The following WDFY2 variants were observed in gnomAD, a reference collection of about 807,000 sequenced individuals.
WDFY2 encodes the protein WD repeat and FYVE domain-containing protein 2.
In WDFY2, 36 loss-of-function variants were observed where a neutral mutation model predicts 56.4. The observed-to-expected ratio is 0.64, with a 90% CI of 0.49 to 0.84. The LOEUF is 0.84. WDFY2 is among the 40% of genes least tolerant of loss of function. The pLI is 0.00. For missense variants in WDFY2, 444 were observed against 512.2 expected (o/e 0.87, Z 1.29); for synonymous variants, 176 against 183.7 (o/e 0.96, Z 0.34).
chr13:51,622,890 C>T (rs564877061), intron 1 of WDFY2, among the ~76,000 whole-genome samples: 17 of 139,546 alleles, frequency 1.2e-4, no homozygotes, highest in African/African-American at 3.8e-4. Flanking sequence ...TAGAGTCTAG[C>T]TCTGCCACCC....
At position 51,759,854 on chromosome 13, in the gene WDFY2, CAT is replaced by C; in HGVS notation, c.*86_*87del. Reference sequence around the variant, plus strand: ...ATCATTACCAGAGTGGTAAAGCAGACATGTGAGAAGTAAGAAAGAAACTAAAG... The same window carrying C: ...ATCATTACCAGAGTGGTAAAGCAGACGTGAGAAGTAAGAAAGAAACTAAAG... On this transcript the variant is annotated 3_prime_UTR_variant, in exon 12 of 12. Transcript: ENST00000298125. 3 of 1,425,876 alleles carry C rather than the reference CAT, an allele frequency of 2.1e-6. No individual in the cohort carries two copies. Among genetic ancestry groups the C allele is most frequent in the Non-Finnish European group, 2.9e-6 (3 of 1,019,596 alleles). The allele number at this position is 1,425,876 out of a possible 1,614,324, so 88.3% of individuals were successfully genotyped here.
intron 3 of WDFY2, among the ~76,000 whole-genome samples, chr13:51,698,153 A>C (rs1951914876): frequency 6.6e-6 from 1 of 152,230 alleles, no homozygotes; most frequent in African/African-American, 2.4e-5. Flanking sequence ...TCCAGTGCCC[A>C]AGCTCTTAAG....
At chr13:51,664,440 A>G (rs766135955) in intron 2 of WDFY2, among the ~76,000 whole-genome samples, 1 of 152,196 alleles carries the variant, frequency 6.6e-6, no homozygotes, top group East Asian at 1.9e-4. Context: ...GTTTGTGTGC[A>G]TGGAGAAAGA....
chr13:51,688,663 A>T (rs1208274856), intron 3 of WDFY2, among the ~76,000 whole-genome samples: 1 of 152,168 alleles, frequency 6.6e-6, no homozygotes, highest in East Asian at 1.9e-4. Context: ...CAAAGATCCA[A>T]ACTTCTTTCA....
In WDFY2 at chr13:51,765,990, G is replaced by A. The variant is rs1328854445; in HGVS notation, c.*6221G>A. 6.6e-6 allele frequency: 1 copy of A among 152,110 alleles called. No individual in the cohort carries two copies. The highest frequency in any genetic ancestry group is 2.4e-5 in the African/African-American group (1 of 41,418). 9.4% of individuals were successfully genotyped at this position (152,110 alleles called of 1,614,324 possible). A position where few individuals can be genotyped will look rare whatever the true frequency, so the allele number is the denominator to read the frequency against. ...ATTCTTTTTTCCCTTGGTTCTCGGG[G>A]ATGCATGAGAAGGTGAGCTGTCACT... On this transcript the variant is annotated 3_prime_UTR_variant, in exon 12 of 12. Coordinates refer to ENST00000298125, the MANE Select transcript of WDFY2 (RefSeq NM_052950.4).
intron 4 of WDFY2, among the ~76,000 whole-genome samples, chr13:51,712,890 T>C (rs1415266547): frequency 2.0e-5 from 3 of 152,148 alleles, no homozygotes; most frequent in African/African-American, 7.2e-5. Context: ...TTTAAAAATC[T>C]TTGAAAAATA....
chr13:51,721,084 A>G (rs1952479112), intron 5 of WDFY2, among the ~76,000 whole-genome samples: 1 of 152,192 alleles, frequency 6.6e-6, no homozygotes, highest in Non-Finnish European at 1.5e-5. Context: ...ACATCATCAC[A>G]TTCAACATTT....
intron 10 of WDFY2, among the ~76,000 whole-genome samples, chr13:51,757,475 T>G (rs895210084): frequency 6.6e-5 from 10 of 151,856 alleles, no homozygotes; most frequent in African/African-American, 2.2e-4. Flanking sequence ...AAAATTGTCC[T>G]GAGAGCCCAC....
chr13:51,711,806 A>T (rs905337068), intron 4 of WDFY2, among the ~76,000 whole-genome samples: 3 of 152,188 alleles, frequency 2.0e-5, no homozygotes, highest in East Asian at 3.8e-4. Flanking sequence ...GCTGGAGAGG[A>T]TGTGGAGAAA....
intron 3 of WDFY2, among the ~76,000 whole-genome samples, chr13:51,677,823 G>A (rs977925585): frequency 6.6e-6 from 1 of 152,138 alleles, no homozygotes; most frequent in African/African-American, 2.4e-5. Flanking sequence ...TGAACAATTT[G>A]GAAAAGTTAG....
intron 1 of WDFY2, among the ~76,000 whole-genome samples, chr13:51,617,944 A>T (rs9526783): frequency 0.14 from 20,723 of 152,164 alleles, 1,763 homozygotes; most frequent in South Asian, 0.23. Context: ...ATTTGTTTCT[A>T]TTTACTGTTA....
intron 1 of WDFY2, among the ~76,000 whole-genome samples, chr13:51,609,260 A>C (rs905590352): frequency 6.6e-6 from 1 of 152,094 alleles, no homozygotes; most frequent in Admixed American, 6.5e-5. Context: ...ACTGATCACA[A>C]CTCCCAGGAG....
Position 51,764,909 on chromosome 13 carries a change from A to T in WDFY2, c.*5140A>T, listed in dbSNP as rs1177538862. On this transcript the variant is annotated 3_prime_UTR_variant, in exon 12 of 12. Transcript: ENST00000298125. ...AAAAGGAAAGCCCTGGCCCTGTGGC[A>T]GGAGAGGATTGTTCTAGTCAAGTGT... 1.3e-5 allele frequency: 2 copies of T among 152,038 alleles called. No homozygotes were observed. The highest frequency in any genetic ancestry group is 4.8e-5 in the African/African-American group (2 of 41,368). 9.4% of individuals were successfully genotyped at this position (152,038 alleles called of 1,614,324 possible). A position where few individuals can be genotyped will look rare whatever the true frequency, so the allele number is the denominator to read the frequency against.
rs1367381883 is a variant in WDFY2, at chr13:51,703,582, C to A, written c.280-14C>A. ...GAATTTATTTTTGTTTAATAGTTTT[C>A]TTTTCTTTTACAGGAGTTTATATTG... On this transcript the variant is annotated splice_polypyrimidine_tract_variant and intron_variant, in intron 3 of 11. Transcript: ENST00000298125. 2 of 1,572,580 alleles carry A rather than the reference C, an allele frequency of 1.3e-6. No homozygotes were observed. The highest frequency in any genetic ancestry group is 1.7e-6 in the Non-Finnish European group (2 of 1,154,748).
intron 1 of WDFY2, chr13:51,598,858 T>C (rs999433320): frequency 6.6e-6 from 1 of 151,766 alleles, no homozygotes; most frequent in Non-Finnish European, 1.5e-5. Context: ...CAGCACGAGA[T>C]TGATTTGGAG....
At position 51,642,528 on chromosome 13, in the gene WDFY2, GCTCAAGTGATCCACCGTGGCCT is replaced by G. The variant is rs1264949869; in HGVS notation, c.138-18066_138-18045del. On this transcript the variant is annotated intron_variant, in intron 1 of 11. Transcript: ENST00000298125. ...GCCCAAGCTGATCTGGAACTCTTGA[GCTCAAGTGATCCACCGTGGCCT>G]CCCAATGTGCTGTAATTAGAAACTT... Among the ~76,000 whole-genome samples, 3 of 151,956 alleles carry G rather than the reference GCTCAAGTGATCCACCGTGGCCT, an allele frequency of 2.0e-5. No individual in the cohort carries two copies. The East Asian group carries it at 5.8e-4, about 29-fold the overall frequency.
At chr13:51,667,674 T>G (rs571154167) in intron 2 of WDFY2, among the ~76,000 whole-genome samples, 2 of 152,292 alleles carry the variant, frequency 1.3e-5, no homozygotes, top group East Asian at 3.9e-4. Context: ...TTCTGTTGTT[T>G]TAATTTATAC....
intron 1 of WDFY2, among the ~76,000 whole-genome samples, chr13:51,635,793 A>G (rs1484006882): frequency 2.0e-5 from 3 of 152,204 alleles, no homozygotes; most frequent in African/African-American, 4.8e-5. Flanking sequence ...ATAAAACACA[A>G]TGTGTCTGAA....
chr13:51,728,124 G>A (rs1171609981), intron 6 of WDFY2, among the ~76,000 whole-genome samples: 1 of 152,140 alleles, frequency 6.6e-6, no homozygotes, highest in Non-Finnish European at 1.5e-5. Context: ...AACCCCAGAA[G>A]GCCAAAAAGA....
Sources: gnomAD v4.1 joint callset for allele counts (sites outside exome capture counted in the v4.1 genomes callset) on GRCh38, gnomAD v4.1.1 for gene constraint, MANE v1.5 for transcripts, NCBI Gene and HGNC (gene_info 2026-07-23, HGNC 2026-07-21) for gene names.